PNKD: variants seen among roughly 807,000 people sequenced by gnomAD.
PNKD encodes the protein PNKD metallo-beta-lactamase domain containing.
In PNKD, 36 loss-of-function variants were observed where a neutral mutation model predicts 45.3. The observed-to-expected ratio is 0.80, with a 90% CI of 0.61 to 1.05. The LOEUF (loss-of-function observed/expected upper bound fraction) is 1.05. Among genes scored for constraint, PNKD ranks in the 50% least tolerant of loss-of-function variants. The pLI, the probability that PNKD is intolerant of heterozygous loss-of-function variation, is 0.00. For missense variants in PNKD, 511 were observed against 506.6 expected (o/e 1.01, Z -0.08); for synonymous variants, 197 against 210.1 (o/e 0.94, Z 0.54).
chr2:218,327,496 A>C (rs1383978432), intron 2 of PNKD, among the ~76,000 whole-genome samples: 1 of 152,054 alleles, frequency 6.6e-6, no homozygotes, highest in Non-Finnish European at 1.5e-5. Flanking sequence ...CTGTGGCCAG[A>C]GCACCCACAG....
At chr2:218,323,205 CG>C in intron 2 of PNKD, 5 of 1,393,072 alleles carry the variant, frequency 3.6e-6, no homozygotes, top group Admixed American at 3.4e-5. Flanking sequence ...CGCGGGGGGC[CG>C]GGGCCGGGCC....
chr2:218,308,790 G>T (rs976308607), intron 2 of PNKD, among the ~76,000 whole-genome samples: 1 of 150,832 alleles, frequency 6.6e-6, no homozygotes, highest in Admixed American at 6.6e-5. Flanking sequence ...TCACCATGTT[G>T]GCCAGGCTGG....
chr2:218,270,987 G>T (rs1343945400), intron 1 of PNKD: 2 of 370,560 alleles, frequency 5.4e-6, no homozygotes, highest in Non-Finnish European at 9.8e-6. Flanking sequence ...TTCCTCTTCC[G>T]TACAGTGCAA....
At chr2:218,272,467 T>C (rs1690881544) in intron 2 of PNKD, 1 of 1,036,486 alleles carries the variant, frequency 9.6e-7, no homozygotes, top group Non-Finnish European at 1.5e-6. Flanking sequence ...ATAAGAGGTA[T>C]TGCAGCATTC....
In PNKD at chr2:218,341,712, C is replaced by G. The variant is rs62182085; in HGVS notation, c.617+86C>G. ...CTTCAGTGAAGTGTTTCAGGGGTAT[C>G]AGCAGGTGGATCTTTGCCAGTGCCC... On this transcript the variant is annotated intron_variant, in intron 6 of 9. Coordinates refer to ENST00000273077, the MANE Select transcript of PNKD (RefSeq NM_015488.5). The G allele has an allele frequency of 0.12, 126,935 of 1,047,708 alleles. 8,704 individuals are homozygous for G. The highest frequency in any genetic ancestry group is 0.14 in the Non-Finnish European group (96,443 of 687,750). 64.9% of individuals were successfully genotyped at this position (1,047,708 alleles called of 1,614,324 possible).
In PNKD at chr2:218,340,170, C is replaced by G; in HGVS notation, c.465+29C>G. 1 of 1,389,740 alleles carries G rather than the reference C, an allele frequency of 7.2e-7. No individual in the cohort carries two copies. The highest frequency in any genetic ancestry group is 1.0e-6 in the Non-Finnish European group (1 of 977,838). The allele number at this position is 1,389,740 out of a possible 1,614,324, so 86.1% of individuals were successfully genotyped here. On this transcript the variant is annotated intron_variant, in intron 4 of 9. Transcript: ENST00000273077. The surrounding 1 kb of genome is among the most constrained non-coding windows in gnomAD (Gnocchi z 4.2). ...AGGGGAGGGCAGGGAGCAGGGGGTG[C>G]CTGGAGTCACCTTGGGGACTGGCAG...
At chr2:218,325,816 T>C (rs1470489192) in intron 2 of PNKD, among the ~76,000 whole-genome samples, 1 of 152,150 alleles carries the variant, frequency 6.6e-6, no homozygotes, top group Non-Finnish European at 1.5e-5. Flanking sequence ...AAATGCAGTA[T>C]TTCTACAGGC....
chr2:218,323,425 G>C, intron 2 of PNKD: 2 of 1,563,606 alleles, frequency 1.3e-6, no homozygotes, highest in Non-Finnish European at 1.7e-6. Flanking sequence ...CTGCTCTTCC[G>C]AATCGGGTTA....
At chr2:218,275,712 G>T in intron 2 of PNKD, 2 of 1,447,804 alleles carry the variant, frequency 1.4e-6, no homozygotes, top group Non-Finnish European at 1.9e-6. Flanking sequence ...GGGCCTATGC[G>T]CCACACAGTG....
chr2:218,277,107 G>A (rs756815431), intron 2 of PNKD: 16 of 1,613,518 alleles, frequency 9.9e-6, no homozygotes, highest in South Asian at 7.7e-5. Context: ...CACCTGCCAG[G>A]AAGCAAGAAA....
chr2:218,273,512 C>T (rs761834463), intron 2 of PNKD, among the ~76,000 whole-genome samples: 32 of 135,598 alleles, frequency 2.4e-4, no homozygotes, highest in East Asian at 8.9e-4. Flanking sequence ...CAGAGTTTCA[C>T]TCTTGTTGCC....
intron 1 of PNKD, 29 bp downstream of exon 1, chr2:218,270,631 G>A (rs1448809968): frequency 1.2e-5 from 8 of 663,966 alleles, no homozygotes; most frequent in African/African-American, 1.9e-5. Context: ...GGGAGGGCAG[G>A]ACTGCAGAAG....
At position 218,346,675 on chromosome 2, in the gene PNKD, G is replaced by C. The variant is rs370159862; in HGVS notation, c.*1694G>C. 1.3e-5 allele frequency: 2 copies of C among 153,994 alleles called. No homozygotes were observed. Among genetic ancestry groups the C allele is most frequent in the African/African-American group, 4.8e-5 (2 of 41,460 alleles). 9.5% of individuals were successfully genotyped at this position (153,994 alleles called of 1,614,324 possible). On this transcript the variant is annotated 3_prime_UTR_variant, in exon 10 of 10. Coordinates refer to ENST00000273077, the MANE Select transcript of PNKD (RefSeq NM_015488.5). Reference sequence around the variant, plus strand: ...ACATGTTTGTCTCCCCTTCTAGACTGTGAATCCTTAAGGGCATGGACTGTA... The same window carrying C: ...ACATGTTTGTCTCCCCTTCTAGACTCTGAATCCTTAAGGGCATGGACTGTA...
intron 2 of PNKD, among the ~76,000 whole-genome samples, chr2:218,329,918 C>CA (rs1240217671): frequency 1.3e-5 from 2 of 152,202 alleles, no homozygotes; most frequent in Non-Finnish European, 2.9e-5. Flanking sequence ...CTCAGACAGG[C>CA]ACTTTCAGTT....
At chr2:218,276,995 G>A (rs746575826) in intron 2 of PNKD, 1 of 1,612,206 alleles carries the variant, frequency 6.2e-7, no homozygotes, top group Non-Finnish European at 8.5e-7. Flanking sequence ...GCTCTCCTGG[G>A]ACACTCACGT....
At position 218,339,895 on chromosome 2, in the gene PNKD, A is replaced by G. The variant is rs369330618; in HGVS notation, c.349A>G (p.Asn117Asp). Residue 117 changes from asparagine (N) to aspartate (D), a missense_variant, in exon 3 of 10, where the codon AAT becomes GAT. Coordinates refer to ENST00000273077, the MANE Select transcript of PNKD (RefSeq NM_015488.5). ...CTCGAAAACCCAGCCCCGCCTCTTCAATGGTGAGCTCTGACTGCCCCGGCC... is the reference window on the plus strand; with the variant it reads ...CTCGAAAACCCAGCCCCGCCTCTTCGATGGTGAGCTCTGACTGCCCCGGCC... The part of the protein sequence containing the change: ...GHSKTQPRLF[N>D]GVKVLPIPVL... The G allele has an allele frequency of 5.0e-6, 8 of 1,604,468 alleles. No homozygotes were observed. Among genetic ancestry groups the G allele is most frequent in the Non-Finnish European group, 6.8e-6 (8 of 1,172,890 alleles).
At chr2:218,291,285 T>G (rs904444754) in intron 2 of PNKD, among the ~76,000 whole-genome samples, 3 of 152,184 alleles carry the variant, frequency 2.0e-5, no homozygotes, top group African/African-American at 7.2e-5. Flanking sequence ...AAACTGGTTC[T>G]CTGGATCCTC....
chr2:218,302,988 G>A (rs1388053689), intron 2 of PNKD, among the ~76,000 whole-genome samples: 4 of 152,260 alleles, frequency 2.6e-5, no homozygotes, highest in Admixed American at 2.6e-4. Context: ...TCCCCAGGCT[G>A]GAGTGCAGTT....
At chr2:218,276,637 A>C (rs959807506) in intron 2 of PNKD, among the ~76,000 whole-genome samples, 21 of 131,034 alleles carry the variant, frequency 1.6e-4, no homozygotes, top group African/African-American at 5.5e-4. Context: ...AATTGGATCC[A>C]GAGACCCCCG....
Sources: gnomAD v4.1 joint callset for allele counts (sites outside exome capture counted in the v4.1 genomes callset) on GRCh38, gnomAD v4.1.1 for gene constraint, Gnocchi (gnomAD v3.1) non-coding constraint, MANE v1.5 for transcripts, NCBI Gene and HGNC (gene_info 2026-07-23, HGNC 2026-07-21) for gene names.